Variants in FAM24B observed in about 807,000 individuals in gnomAD.
The protein encoded by FAM24B is family with sequence similarity 24 member B.
Under a neutral mutation model 2.3 loss-of-function variants are expected in FAM24B, and 3 were observed. The observed-to-expected ratio is 1.29, with a 90% confidence interval of 0.59 to 3.32. FAM24B has a LOEUF of 3.32. FAM24B is among the 30% of genes most tolerant of loss of function. The probability of loss-of-function intolerance (pLI) is 0.03; values close to 1 mark genes in which losing one functional copy is unlikely to be tolerated. For missense variants in FAM24B, 98 were observed against 117.2 expected, an observed-to-expected ratio of 0.84 and a Z score of 0.76; for synonymous variants, 36 against 46.3, an observed-to-expected ratio of 0.78 and a Z score of 0.90.
chr10:122,856,306 G>C (rs545132570), intron 1 of FAM24B, among the ~76,000 whole-genome samples: 1 of 152,298 alleles, frequency 6.6e-6, no homozygotes, highest in Non-Finnish European at 1.5e-5. Context: ...CCCAACTTGT[G>C]GTGGCTTACT....
At chr10:122,864,586 C>T (rs948682675) in intron 1 of FAM24B, among the ~76,000 whole-genome samples, 9 of 152,108 alleles carry the variant, frequency 5.9e-5, no homozygotes, top group East Asian at 5.8e-4. Context: ...TAACTAAGTT[C>T]GGTAATTTAT....
At chr10:122,864,103 A>C (rs868819179) in intron 1 of FAM24B, among the ~76,000 whole-genome samples, 1 of 152,286 alleles carries the variant, frequency 6.6e-6, no homozygotes, top group Middle Eastern at 3.4e-3. Flanking sequence ...GCAAACTGAA[A>C]CAACACATGT....
At chr10:122,852,788 T>A (rs906457995) in intron 2 of FAM24B, among the ~76,000 whole-genome samples, 1 of 152,208 alleles carries the variant, frequency 6.6e-6, no homozygotes, top group African/African-American at 2.4e-5. Context: ...ACAGTAGACA[T>A]CTAGGCTCTC....
chr10:122,850,206 A>T (rs971214668), intron 3 of FAM24B, among the ~76,000 whole-genome samples: 2 of 152,116 alleles, frequency 1.3e-5, no homozygotes, highest in African/African-American at 4.8e-5. Flanking sequence ...ACATTCTACC[A>T]ACCCCAGCCA....
chr10:122,866,107 G>A (rs200348129), intron 1 of FAM24B, among the ~76,000 whole-genome samples: 1 of 151,882 alleles, frequency 6.6e-6, no homozygotes, highest in Non-Finnish European at 1.5e-5. Flanking sequence ...TCACCATGTT[G>A]GCCAGGCTGG....
intron 1 of FAM24B, among the ~76,000 whole-genome samples, chr10:122,867,645 T>A (rs913266285): frequency 5.9e-5 from 9 of 152,226 alleles, no homozygotes; most frequent in African/African-American, 2.2e-4. Flanking sequence ...ATATCCGCTG[T>A]TCTGCAGCCA....
Position 122,849,118 on chromosome 10 carries a change from T to A in FAM24B, c.*129A>T. The A allele has an allele frequency of 1.6e-6, 1 of 617,298 alleles. No individual in the cohort carries two copies. The highest frequency in any genetic ancestry group is 2.5e-6 in the Non-Finnish European group (1 of 399,100). 38.2% of individuals were successfully genotyped at this position (617,298 alleles called of 1,614,324 possible). A position where few individuals can be genotyped will look rare whatever the true frequency, so the allele number is the denominator to read the frequency against. On this transcript the variant is annotated 3_prime_UTR_variant, in exon 4 of 4. Transcript: ENST00000368898. The stretch of plus-strand genomic sequence containing the variant: ...ATTATTTTTAATAGTGTACATTTAT[T>A]CAAAAGTATATAAAACAACACTGTA...
chr10:122,878,890 G>A (rs1261652521), intron 1 of FAM24B, among the ~76,000 whole-genome samples: 2 of 151,760 alleles, frequency 1.3e-5, no homozygotes, highest in Non-Finnish European at 2.9e-5. Context: ...TGCTCATGAA[G>A]TTTCAGATAG....
At chr10:122,869,550 C>A (rs1847857569) in intron 1 of FAM24B, among the ~76,000 whole-genome samples, 1 of 152,258 alleles carries the variant, frequency 6.6e-6, no homozygotes, top group East Asian at 1.9e-4. Context: ...CACTCCTCAG[C>A]AAATGTAAAA....
intron 2 of FAM24B, among the ~76,000 whole-genome samples, chr10:122,852,885 T>C (rs1847567202): frequency 6.6e-6 from 1 of 152,112 alleles, no homozygotes; most frequent in Admixed American, 6.6e-5. Flanking sequence ...TGTCTAAAAG[T>C]TTTCTGTCTT....
intron 3 of FAM24B, among the ~76,000 whole-genome samples, 182 bp from the exon 4 acceptor site, chr10:122,849,621 T>C (rs1381812837): frequency 6.6e-6 from 1 of 152,056 alleles, no homozygotes; most frequent in African/African-American, 2.4e-5. Flanking sequence ...CTTCTATGAT[T>C]GCTATAAATG....
chr10:122,859,244 G>C (rs1402365176), intron 1 of FAM24B, among the ~76,000 whole-genome samples: 1 of 152,184 alleles, frequency 6.6e-6, no homozygotes, highest in African/African-American at 2.4e-5. Flanking sequence ...AAAACACGTT[G>C]GATGACTGCG....
At chr10:122,850,383 A>T in intron 3 of FAM24B, 41 bp downstream of exon 3, 9 of 1,513,474 alleles carry the variant, frequency 5.9e-6, no homozygotes, top group Non-Finnish European at 7.4e-6. Context: ...TCCCCATGTG[A>T]CTCACTTTAG....
At chr10:122,859,889 G>C (rs1037161926) in intron 1 of FAM24B, among the ~76,000 whole-genome samples, 1 of 152,074 alleles carries the variant, frequency 6.6e-6, no homozygotes, top group Non-Finnish European at 1.5e-5. Context: ...ACTGGATGAG[G>C]AGTTGTTCAA....
intron 1 of FAM24B, among the ~76,000 whole-genome samples, chr10:122,858,265 A>G (rs1275652382): frequency 6.6e-6 from 1 of 152,180 alleles, no homozygotes; most frequent in African/African-American, 2.4e-5. Flanking sequence ...GACATGGATG[A>G]AGCTGGAAAC....
In FAM24B at chr10:122,862,584, A is replaced by T. The variant is rs112562950; in HGVS notation, c.-177-6798T>A. The stretch of plus-strand genomic sequence containing the variant: ...TTCAAATGAGTTATTTTTAAGGAAA[A>T]ATAAATGAATAAAAGGCCTTTGTTT... On this transcript the variant is annotated intron_variant, in intron 1 of 3. Transcript: ENST00000368898. 8.3e-3 allele frequency among the ~76,000 whole-genome samples: 1,265 copies of T among 152,284 alleles called. 22 individuals carry two copies. Among genetic ancestry groups the T allele is most frequent in the African/African-American group, 0.029 (1,205 of 41,548 alleles).
intron 1 of FAM24B, among the ~76,000 whole-genome samples, chr10:122,861,479 C>G (rs994189121): frequency 4.6e-5 from 7 of 152,172 alleles, no homozygotes; most frequent in African/African-American, 1.7e-4. Context: ...TTAGAATAAA[C>G]TTGTAGCTAT....
At chr10:122,868,165 T>C (rs958681190) in intron 1 of FAM24B, among the ~76,000 whole-genome samples, 21 of 152,118 alleles carry the variant, frequency 1.4e-4, no homozygotes, top group African/African-American at 4.6e-4. Context: ...CAGTAACTGA[T>C]GCAATCAACT....
chr10:122,861,743 A>G (rs1847728246), intron 1 of FAM24B, among the ~76,000 whole-genome samples: 2 of 152,170 alleles, frequency 1.3e-5, no homozygotes, highest in South Asian at 4.1e-4. Context: ...CCAATTGTTC[A>G]TTGCTGGTAC....
Sources: allele counts gnomAD v4.1 joint callset (sites outside exome capture counted in the v4.1 genomes callset), GRCh38; gene constraint gnomAD v4.1.1; transcripts MANE v1.5; gene names NCBI Gene and HGNC (gene_info 2026-07-23, HGNC 2026-07-21).